NBAS: variants seen among roughly 807,000 people sequenced by gnomAD.
NBAS encodes NAG/BC035112 fusion.
NBAS carries 219 observed loss-of-function variants against 302.5 expected under a neutral mutation model. That is an observed-to-expected ratio of 0.72 (90% CI 0.65 to 0.81). The LOEUF is 0.81. Among genes scored for constraint, NBAS ranks in the 30% least tolerant of loss-of-function variants. The pLI is 0.00. For synonymous variants in NBAS, 1,118 were observed against 1,021.6 expected, an observed-to-expected ratio of 1.09 and a Z score of -1.80; for missense variants, 2,932 against 2,841.6, an observed-to-expected ratio of 1.03 and a Z score of -0.72.
intron 11 of NBAS, 101 bp downstream of exon 11, chr2:15,504,044 G>T: frequency 1.1e-6 from 1 of 878,326 alleles, no homozygotes; most frequent in Non-Finnish European, 1.9e-6. Context: ...ACACTCAGAT[G>T]AAGATACAAA....
At chr2:14,988,974 C>T in the NBAS span, among the ~76,000 whole-genome samples, 1 of 152,154 alleles carries the variant, frequency 6.6e-6, no homozygotes, top group Non-Finnish European at 1.5e-5. Context: ...AGGAATAAGG[C>T]CACATGCACC....
At chr2:15,220,347 T>G (rs2147891833) in intron 47 of NBAS, among the ~76,000 whole-genome samples, 1 of 152,324 alleles carries the variant, frequency 6.6e-6, no homozygotes, top group East Asian at 1.9e-4. Flanking sequence ...ATAAGTTACT[T>G]TTTACAGCTG....
chr2:15,400,695 C>T lies in NBAS; in HGVS notation c.3071+1473G>A, dbSNP rs567581186. 1.2e-4 allele frequency among the ~76,000 whole-genome samples: 18 copies of T among 152,244 alleles called. No homozygotes were observed. In the South Asian group the frequency reaches 3.3e-3, roughly 28 times the overall value. ...TATTACTAATACCAGTCTTAGAATT[C>T]CCTGACTTTATGTTCATACATTATT... On this transcript the variant is annotated intron_variant, in intron 26 of 51. Coordinates refer to ENST00000281513, the MANE Select transcript of NBAS (RefSeq NM_015909.4).
rs1053438137 is a variant in NBAS, at chr2:15,503,171, T to C, written c.954+974A>G. On this transcript the variant is annotated intron_variant, in intron 11 of 51. Coordinates refer to ENST00000281513, the MANE Select transcript of NBAS (RefSeq NM_015909.4). ...ACACTCATGGAGTTGTAATCTCCCA[T>C]GTTAAGAATGCCTTTCCGTGCAATG... 4.6e-5 allele frequency among the ~76,000 whole-genome samples: 7 copies of C among 152,334 alleles called. No individual in the cohort carries two copies. The South Asian group carries it at 8.3e-4, about 18-fold the overall frequency.
At chr2:14,965,968 GGCC>G in the NBAS span, among the ~76,000 whole-genome samples, 1 of 152,134 alleles carries the variant, frequency 6.6e-6, no homozygotes, top group African/African-American at 2.4e-5. Flanking sequence ...GATTAGGGTA[GGCC>G]TGGTGTCCTT....
chr2:14,965,321 G>C, the NBAS span, among the ~76,000 whole-genome samples: 1 of 151,768 alleles, frequency 6.6e-6, no homozygotes, highest in African/African-American at 2.4e-5. Flanking sequence ...CAAAAAGAAG[G>C]CATAAACTAC....
intron 32 of NBAS, among the ~76,000 whole-genome samples, chr2:15,358,281 G>A (rs1194272361): frequency 1.3e-5 from 2 of 151,888 alleles, no homozygotes; most frequent in African/African-American, 2.4e-5. Flanking sequence ...AATCCCTACC[G>A]TTTTTTTCAG....
At chr2:14,794,666 A>G in the NBAS span, among the ~76,000 whole-genome samples, 1 of 152,280 alleles carries the variant, frequency 6.6e-6, no homozygotes, top group African/African-American at 2.4e-5. Context: ...TAACGTATGT[A>G]TACTCTTGAA....
At chr2:15,528,180 T>C (rs1572972028) in intron 9 of NBAS, among the ~76,000 whole-genome samples, 1 of 151,754 alleles carries the variant, frequency 6.6e-6, no homozygotes, top group South Asian at 2.1e-4. Flanking sequence ...ATCTAGAATG[T>C]CCATCATATC....
At chr2:15,106,057 A>C in the NBAS span, among the ~76,000 whole-genome samples, 1 of 152,192 alleles carries the variant, frequency 6.6e-6, no homozygotes, top group African/African-American at 2.4e-5. Flanking sequence ...AAGTTAAATC[A>C]GTCGATAAAC....
chr2:14,828,204 G>A, the NBAS span, among the ~76,000 whole-genome samples: 13 of 152,186 alleles, frequency 8.5e-5, no homozygotes, highest in South Asian at 1.2e-3. Flanking sequence ...ATAAATAAAC[G>A]TTTTTAAAAG....
intron 48 of NBAS, among the ~76,000 whole-genome samples, chr2:15,190,791 T>A (rs1039968451): frequency 6.6e-6 from 1 of 152,224 alleles, no homozygotes; most frequent in Non-Finnish European, 1.5e-5. Context: ...AATCCTAATT[T>A]TCATTAGAAA....
chr2:14,877,315 A>C, the NBAS span, among the ~76,000 whole-genome samples: 1 of 151,970 alleles, frequency 6.6e-6, no homozygotes, highest in African/African-American at 2.4e-5. Context: ...CTCTCTTTAC[A>C]TTCCACCCCC....
intron 26 of NBAS, 67 bp downstream of exon 26, chr2:15,402,101 G>T: frequency 6.4e-7 from 1 of 1,572,244 alleles, no homozygotes; most frequent in Non-Finnish European, 8.7e-7. Context: ...ATTTGGGGAA[G>T]CAACGTTTTT....
At chr2:15,192,241 T>A (rs1221361256) in intron 48 of NBAS, among the ~76,000 whole-genome samples, 1 of 151,964 alleles carries the variant, frequency 6.6e-6, no homozygotes, top group Non-Finnish European at 1.5e-5. Flanking sequence ...GCTATTTTTT[T>A]TTTTTTTTTG....
intron 26 of NBAS, among the ~76,000 whole-genome samples, chr2:15,398,090 C>CGT (rs201218082): frequency 0.014 from 2,158 of 149,874 alleles, 36 homozygotes; most frequent in East Asian, 0.063. Context: ...CTCAGTCAGC[C>CGT]GTGTGTGTGT....
chr2:15,445,880 T>G (rs1224869338), intron 21 of NBAS, among the ~76,000 whole-genome samples: 1 of 144,792 alleles, frequency 6.9e-6, no homozygotes, highest in African/African-American at 2.6e-5. Context: ...AAATCAAACT[T>G]CTAGGAATGA....
the NBAS span, among the ~76,000 whole-genome samples, chr2:14,780,153 A>G: frequency 6.6e-6 from 1 of 152,216 alleles, no homozygotes; most frequent in Admixed American, 6.5e-5. Flanking sequence ...AACATCAGAC[A>G]CTTTGCAGTA....
chr2:14,845,751 A>G, the NBAS span, among the ~76,000 whole-genome samples: 2 of 152,244 alleles, frequency 1.3e-5, no homozygotes, highest in Non-Finnish European at 2.9e-5. Flanking sequence ...CTGGAGTTAG[A>G]ACATACAATT....
Sources: gnomAD v4.1 joint callset for allele counts (sites outside exome capture counted in the v4.1 genomes callset) on GRCh38, gnomAD v4.1.1 for gene constraint, MANE v1.5 for transcripts, NCBI Gene and HGNC (gene_info 2026-07-23, HGNC 2026-07-21) for gene names.